ANXA8: variants seen among roughly 807,000 people sequenced by gnomAD.
The protein encoded by ANXA8 is annexin A8.
ANXA8 carries 9 observed loss-of-function variants against 26.8 expected under a neutral mutation model. The ratio of observed to expected loss-of-function variants is 0.34; its 90% confidence interval spans 0.20 to 0.59. The LOEUF (loss-of-function observed/expected upper bound fraction) is 0.59. Among genes scored for constraint, ANXA8 ranks in the 20% least tolerant of loss-of-function variants. The probability of loss-of-function intolerance (pLI) is 0.84; values close to 1 mark genes in which losing one functional copy is unlikely to be tolerated. For missense variants in ANXA8, 83 were observed against 238.5 expected, an observed-to-expected ratio of 0.35 and a Z score of 4.29; for synonymous variants, 39 against 94.8, an observed-to-expected ratio of 0.41 and a Z score of 3.42.
chr10:47,696,297 T>C, the ANXA8 span: 8 of 407,778 alleles, frequency 2.0e-5, no homozygotes, highest in Admixed American at 3.5e-4. Flanking sequence ...TGATCTCTAG[T>C]TGCTTGGTAT....
the ANXA8 span, chr10:47,588,988 A>G: frequency 1.4e-5 from 2 of 144,300 alleles, 1 homozygote; most frequent in African/African-American, 5.8e-5. Flanking sequence ...TAATTTTTGT[A>G]TATTTTGTAG....
chr10:47,947,489 T>C, the ANXA8 span, among the ~76,000 whole-genome samples: 2 of 148,876 alleles, frequency 1.3e-5, no homozygotes, highest in Admixed American at 6.7e-5. Flanking sequence ...CTTGGCTCTA[T>C]GTCCCTACCC....
At chr10:47,743,327 T>TATATATATAC in the ANXA8 span, among the ~76,000 whole-genome samples, 11 of 40,334 alleles carry the variant, frequency 2.7e-4, no homozygotes, top group East Asian at 9.3e-4. Flanking sequence ...TATATATATA[T>TATATATATAC]ACATATATAT....
the ANXA8 span, among the ~76,000 whole-genome samples, chr10:47,611,498 T>G: frequency 7.0e-6 from 1 of 143,440 alleles, no homozygotes; most frequent in Non-Finnish European, 1.5e-5. Context: ...ATTCTGAACA[T>G]GTGCTAATAC....
At chr10:47,694,521 A>G in the ANXA8 span, among the ~76,000 whole-genome samples, 3 of 149,944 alleles carry the variant, frequency 2.0e-5, no homozygotes, top group African/African-American at 7.4e-5. Context: ...CCTGGGTTCA[A>G]GTGATTCTCC....
the ANXA8 span, among the ~76,000 whole-genome samples, chr10:47,674,940 G>A: frequency 6.0e-5 from 9 of 150,986 alleles, no homozygotes; most frequent in Admixed American, 5.3e-4. Context: ...AGATGCTCTA[G>A]TATATTTAGA....
the ANXA8 span, among the ~76,000 whole-genome samples, chr10:47,899,120 G>A: frequency 6.6e-6 from 1 of 151,558 alleles, no homozygotes; most frequent in African/African-American, 2.4e-5. Context: ...TTACAGGCAC[G>A]AGCCATTGTG....
chr10:47,511,210 TG>T, the ANXA8 span, among the ~76,000 whole-genome samples: 21 of 140,208 alleles, frequency 1.5e-4, 1 homozygote. Context: ...CCCAAAGTAC[TG>T]GGATTACAGG....
chr10:47,695,841 C>A, the ANXA8 span, among the ~76,000 whole-genome samples: 1 of 151,818 alleles, frequency 6.6e-6, no homozygotes, highest in Non-Finnish European at 1.5e-5. Flanking sequence ...CTACTCTATC[C>A]GCCTTAGATA....
the ANXA8 span, chr10:47,551,948 C>T: frequency 1.1e-6 from 1 of 871,480 alleles, no homozygotes; most frequent in African/African-American, 1.7e-5. Flanking sequence ...ACAAGTAACT[C>T]TAACCTACAA....
the ANXA8 span, among the ~76,000 whole-genome samples, chr10:47,949,087 T>C: frequency 9.7e-6 from 1 of 102,604 alleles, no homozygotes; most frequent in African/African-American, 4.2e-5. Context: ...ATTTTGGGAC[T>C]TGTCAGCCTC....
chr10:47,748,560 C>T, the ANXA8 span, among the ~76,000 whole-genome samples: 1 of 152,134 alleles, frequency 6.6e-6, no homozygotes, highest in African/African-American at 2.4e-5. Flanking sequence ...AAGGAAAAAA[C>T]ATTAAAAGCA....
chr10:47,595,143 T>A, the ANXA8 span, among the ~76,000 whole-genome samples: 1 of 148,268 alleles, frequency 6.7e-6, no homozygotes, highest in Non-Finnish European at 1.5e-5. Context: ...CATTCCAGCA[T>A]AAACATTCAT....
chr10:47,564,859 T>G, the ANXA8 span: 3 of 1,185,796 alleles, frequency 2.5e-6, no homozygotes, highest in Non-Finnish European at 3.8e-6. Flanking sequence ...GCCCCAAGCC[T>G]GACTTCATCT....
chr10:47,553,976 T>C, the ANXA8 span, among the ~76,000 whole-genome samples: 5 of 149,002 alleles, frequency 3.4e-5, no homozygotes, highest in Admixed American at 3.4e-4. Context: ...GGGGGTGCCC[T>C]ATAGCCCTCT....
chr10:47,626,887 T>C, the ANXA8 span, among the ~76,000 whole-genome samples: 1 of 149,924 alleles, frequency 6.7e-6, no homozygotes. Context: ...TATTTTCCAT[T>C]TTCCATTTAA....
chr10:47,727,265 T>A, the ANXA8 span, among the ~76,000 whole-genome samples: 5 of 152,268 alleles, frequency 3.3e-5, no homozygotes, highest in Non-Finnish European at 7.3e-5. Flanking sequence ...ACATAATATA[T>A]ATGAAGATAG....
the ANXA8 span, among the ~76,000 whole-genome samples, chr10:47,562,083 T>A: frequency 6.6e-6 from 1 of 151,902 alleles, no homozygotes; most frequent in Non-Finnish European, 1.5e-5. Context: ...AAGATATAGT[T>A]GTAAGCACAT....
the ANXA8 span, among the ~76,000 whole-genome samples, chr10:47,769,648 CT>C: frequency 6.6e-6 from 1 of 151,334 alleles, no homozygotes; most frequent in Non-Finnish European, 1.5e-5. Flanking sequence ...TTTTACTGGG[CT>C]TTAGTGCTCA....
Sources: allele counts gnomAD v4.1 joint callset (sites outside exome capture counted in the v4.1 genomes callset), GRCh38; gene constraint gnomAD v4.1.1; transcripts MANE v1.5; gene names NCBI Gene and HGNC (gene_info 2026-07-23, HGNC 2026-07-21).